Variants in RELN observed in about 807,000 individuals in gnomAD.
The protein encoded by RELN is reelin.
Under a neutral mutation model 427.6 loss-of-function variants are expected in RELN, and 108 were observed. The ratio of observed to expected loss-of-function variants is 0.25; its 90% CI spans 0.22 to 0.30. The LOEUF (loss-of-function observed/expected upper bound fraction) is 0.30. Ranked by LOEUF, RELN falls within the 10% of genes least tolerant of loss-of-function variation. RELN has a pLI of 1.00. For missense variants in RELN, 3,715 were observed against 4,302.8 expected (o/e 0.86, Z 3.82); for synonymous variants, 1,524 against 1,513.4 (o/e 1.01, Z -0.16).
chr7:103,812,473 G>A (rs557651661), intron 3 of RELN, among the ~76,000 whole-genome samples: 35 of 152,210 alleles, frequency 2.3e-4, no homozygotes, highest in Non-Finnish European at 4.6e-4. Flanking sequence ...TGGAAATGTC[G>A]GAACAGCAAC....
chr7:103,488,711 T>C lies in RELN; in HGVS notation c.9763+1031A>G, dbSNP rs1351980501. On this transcript the variant is annotated intron_variant, in intron 60 of 64. Coordinates refer to ENST00000428762, the MANE Select transcript of RELN (RefSeq NM_005045.4). Reference sequence around the variant, plus strand: ...AGCCATGAGTGACAGCAAGGCTGATTGGAAAGAACAACTTGACTAGTGGTC... The same window carrying C: ...AGCCATGAGTGACAGCAAGGCTGATCGGAAAGAACAACTTGACTAGTGGTC... Among the ~76,000 whole-genome samples the C allele has an allele frequency of 2.6e-5, 4 of 152,234 alleles. No individual in the cohort carries two copies. The East Asian group carries it at 7.7e-4, about 29-fold the overall frequency.
intron 1 of RELN, among the ~76,000 whole-genome samples, chr7:103,954,286 A>C (rs931311478): frequency 1.3e-5 from 2 of 152,104 alleles, no homozygotes; most frequent in Non-Finnish European, 2.9e-5. Flanking sequence ...CAAACTTACC[A>C]GCCTCGTGTA....
chr7:103,650,499 C>T (rs1832892313), intron 15 of RELN, 116 bp from the exon 16 acceptor site: 1 of 742,696 alleles, frequency 1.3e-6, no homozygotes, highest in Admixed American at 2.0e-5. Flanking sequence ...TAAAGTTTAC[C>T]AATAAACTCT....
chr7:103,753,362 G>A (rs993160531), intron 4 of RELN, 148 bp from the exon 5 acceptor site: 58 of 706,382 alleles, frequency 8.2e-5, no homozygotes, highest in Non-Finnish European at 1.3e-4. Flanking sequence ...GGAGTTTCTG[G>A]AACCCTTGAA....
intron 43 of RELN, 43 bp downstream of exon 43, chr7:103,542,688 C>T (rs750035162): frequency 1.9e-6 from 3 of 1,605,774 alleles, no homozygotes; most frequent in East Asian, 2.2e-5. Context: ...TGCTATTATA[C>T]ATTACGATGT....
chr7:103,960,934 C>T (rs765509195), intron 1 of RELN, among the ~76,000 whole-genome samples: 11 of 152,232 alleles, frequency 7.2e-5, no homozygotes, highest in African/African-American at 2.4e-4. Flanking sequence ...CTAACAAGCT[C>T]GGGCAAACTT....
intron 21 of RELN, among the ~76,000 whole-genome samples, chr7:103,611,066 C>G (rs1831942556): frequency 6.6e-6 from 1 of 152,146 alleles, no homozygotes; most frequent in Admixed American, 6.6e-5. Context: ...CACATACAAA[C>G]AGAGACGGAT....
At position 103,746,181 on chromosome 7, in the gene RELN, TAATA is replaced by T. The variant is rs937021702; in HGVS notation, c.656+3241_656+3244del. ...AGCAATGGGGAAAGAATTCCCTATT[TAATA>T]AATGGTGCTGGGAAAACTGGCTAGC... On this transcript the variant is annotated intron_variant, in intron 6 of 64. Transcript: ENST00000428762. 9.1e-4 allele frequency among the ~76,000 whole-genome samples: 139 copies of T among 152,132 alleles called. 3 individuals carry two copies. The highest frequency in any genetic ancestry group is 3.2e-3 in the African/African-American group (132 of 41,396).
intron 1 of RELN, among the ~76,000 whole-genome samples, chr7:103,921,487 G>C (rs1795616382): frequency 6.6e-6 from 1 of 152,022 alleles, no homozygotes; most frequent in South Asian, 2.1e-4. Flanking sequence ...AAGAGAACTG[G>C]CTACTTTATT....
At chr7:103,578,186 T>G (rs1381449792) in intron 28 of RELN, among the ~76,000 whole-genome samples, 1 of 152,218 alleles carries the variant, frequency 6.6e-6, no homozygotes, top group Admixed American at 6.5e-5. Context: ...AATCAAGTTC[T>G]GATTTGGCCA....
chr7:103,719,996 T>G (rs1010927893), intron 8 of RELN, among the ~76,000 whole-genome samples: 1 of 152,126 alleles, frequency 6.6e-6, no homozygotes, highest in Non-Finnish European at 1.5e-5. Flanking sequence ...ACTTTAAAAA[T>G]CATTGGTTAA....
chr7:103,655,022 G>C (rs1832996743), intron 12 of RELN, among the ~76,000 whole-genome samples: 1 of 151,984 alleles, frequency 6.6e-6, no homozygotes, highest in Non-Finnish European at 1.5e-5. Flanking sequence ...ATGTTGCACA[G>C]GCTGGTCTTG....
intron 24 of RELN, among the ~76,000 whole-genome samples, chr7:103,598,641 G>A (rs1245420501): frequency 6.6e-6 from 1 of 152,172 alleles, no homozygotes; most frequent in Non-Finnish European, 1.5e-5. Flanking sequence ...AGTCTACAGA[G>A]GTTTTGAAAG....
At chr7:103,734,927 G>A (rs191223809) in intron 6 of RELN, among the ~76,000 whole-genome samples, 11 of 152,156 alleles carry the variant, frequency 7.2e-5, no homozygotes, top group Non-Finnish European at 1.3e-4. Context: ...AAAGTAGAGC[G>A]ATGAGTGGAC....
At chr7:103,931,922 C>A (rs1563098124) in intron 1 of RELN, among the ~76,000 whole-genome samples, 1 of 152,108 alleles carries the variant, frequency 6.6e-6, no homozygotes, top group Non-Finnish European at 1.5e-5. Flanking sequence ...AAGAAGGACA[C>A]AATACACTGT....
At chr7:103,692,769 A>G (rs868712468) in intron 10 of RELN, among the ~76,000 whole-genome samples, 2 of 152,032 alleles carry the variant, frequency 1.3e-5, no homozygotes, top group Non-Finnish European at 2.9e-5. Context: ...CCAGTGGAAA[A>G]AGAGTGGCAT....
At chr7:103,763,846 T>C (rs1457034255) in intron 4 of RELN, among the ~76,000 whole-genome samples, 1 of 151,774 alleles carries the variant, frequency 6.6e-6, no homozygotes, top group East Asian at 1.9e-4. Flanking sequence ...AGGGCAGTTA[T>C]AGGGTTTGAG....
intron 10 of RELN, 65 bp from the exon 11 acceptor site, chr7:103,682,326 C>A: frequency 2.6e-6 from 4 of 1,560,518 alleles, no homozygotes; most frequent in Non-Finnish European, 3.5e-6. Context: ...CTGTCTTACT[C>A]ATGTATAATT....
Position 103,589,117 on chromosome 7 carries a change from G to T in RELN, c.4145+479C>A, listed in dbSNP as rs147278887. 1.6e-4 allele frequency among the ~76,000 whole-genome samples: 25 copies of T among 152,230 alleles called. No individual in the cohort carries two copies. The East Asian group carries it at 4.6e-3, about 28-fold the overall frequency. ...TTTTGTGAAAGATAAAATTTCTTCAGGTCTCAGCTTTTTGGTGACTGCATA... is the reference window on the plus strand; with the variant it reads ...TTTTGTGAAAGATAAAATTTCTTCATGTCTCAGCTTTTTGGTGACTGCATA... On this transcript the variant is annotated intron_variant, in intron 28 of 64. Transcript: ENST00000428762.
Sources: gnomAD v4.1 joint callset for allele counts (sites outside exome capture counted in the v4.1 genomes callset) on GRCh38, gnomAD v4.1.1 for gene constraint, MANE v1.5 for transcripts, NCBI Gene and HGNC (gene_info 2026-07-23, HGNC 2026-07-21) for gene names.